PLEKHH2: variants seen among roughly 807,000 people sequenced by gnomAD.
PLEKHH2 encodes the protein pleckstrin homology domain-containing family H member 2.
A neutral mutation model predicts 187.9 loss-of-function variants in PLEKHH2; 129 were observed. The observed-to-expected ratio is 0.69, with a 90% confidence interval of 0.59 to 0.79. PLEKHH2 has a LOEUF of 0.79. Among genes scored for constraint, PLEKHH2 ranks in the 30% least tolerant of loss-of-function variants. The pLI, the probability that PLEKHH2 is intolerant of heterozygous loss-of-function variation, is 0.00. For missense variants in PLEKHH2, 2,076 were observed against 1,751.2 expected (o/e 1.19, Z -3.31); for synonymous variants, 686 against 605.6 (o/e 1.13, Z -1.95).
intron 15 of PLEKHH2, 144 bp downstream of exon 15, chr2:43,712,527 C>A: frequency 2.2e-6 from 2 of 895,490 alleles, no homozygotes; most frequent in Non-Finnish European, 1.6e-6. Flanking sequence ...AAGTATGATG[C>A]CCAAGGCAAA....
intron 2 of PLEKHH2, among the ~76,000 whole-genome samples, chr2:43,653,165 C>G (rs973033308): frequency 6.6e-6 from 1 of 152,016 alleles, no homozygotes; most frequent in African/African-American, 2.4e-5. Flanking sequence ...TTGAAGCATA[C>G]AAGATTCCAA....
chr2:43,715,262 G>T (rs969034271), intron 15 of PLEKHH2, among the ~76,000 whole-genome samples: 2 of 150,926 alleles, frequency 1.3e-5, no homozygotes, highest in Non-Finnish European at 2.9e-5. Context: ...TGCGACAAAT[G>T]AAACTCCGTC....
At chr2:43,694,744 A>G (rs1481317198) in intron 5 of PLEKHH2, among the ~76,000 whole-genome samples, 3 of 152,180 alleles carry the variant, frequency 2.0e-5, no homozygotes, top group Non-Finnish European at 4.4e-5. Flanking sequence ...CTTTATTCTA[A>G]TAAGTTAATT....
At chr2:43,638,131 T>C (rs1703201939) in intron 1 of PLEKHH2, among the ~76,000 whole-genome samples, 1 of 152,068 alleles carries the variant, frequency 6.6e-6, no homozygotes, top group African/African-American at 2.4e-5. Context: ...GGAGCTCGGC[T>C]GTTCTGGGCA....
chr2:43,743,812 C>G (rs773473368), intron 22 of PLEKHH2, 22 bp from the exon 23 acceptor site: 36 of 1,593,098 alleles, frequency 2.3e-5, no homozygotes, highest in Middle Eastern at 1.7e-4. Flanking sequence ...ATTAAGAGAA[C>G]TGCTTTGTTA....
chr2:43,709,148 T>C (rs1368594688), intron 11 of PLEKHH2, among the ~76,000 whole-genome samples: 2 of 152,238 alleles, frequency 1.3e-5, no homozygotes, highest in Non-Finnish European at 2.9e-5. Flanking sequence ...GAATTTTATG[T>C]TATAGCTGCT....
intron 2 of PLEKHH2, among the ~76,000 whole-genome samples, chr2:43,672,856 C>G (rs114409587): frequency 7.9e-5 from 12 of 152,066 alleles, no homozygotes; most frequent in African/African-American, 2.7e-4. Context: ...AATCCTGTCA[C>G]CTAGATATAG....
chr2:43,723,036 C>G (rs1483802461), intron 16 of PLEKHH2, among the ~76,000 whole-genome samples: 21 of 152,122 alleles, frequency 1.4e-4, no homozygotes, highest in African/African-American at 5.1e-4. Flanking sequence ...CTGTTTGCTG[C>G]TTATCAAGGC....
chr2:43,704,934 G>A (rs998176713), intron 9 of PLEKHH2, among the ~76,000 whole-genome samples: 2 of 152,058 alleles, frequency 1.3e-5, no homozygotes, highest in Non-Finnish European at 2.9e-5. Context: ...ACCTGAGAGA[G>A]ACTAAATCAG....
intron 15 of PLEKHH2, among the ~76,000 whole-genome samples, chr2:43,713,778 C>T (rs941073428): frequency 4.0e-5 from 6 of 151,510 alleles, no homozygotes; most frequent in East Asian, 1.9e-4. Flanking sequence ...ATAATCACTC[C>T]TCATTCATGT....
chr2:43,677,069 T>G (rs1667847182), intron 2 of PLEKHH2, among the ~76,000 whole-genome samples: 2 of 152,232 alleles, frequency 1.3e-5, no homozygotes, highest in African/African-American at 4.8e-5. Flanking sequence ...TATGTAGTCC[T>G]TGTATTAAAA....
In PLEKHH2 at chr2:43,684,321, A is replaced by G. The variant is rs897498627; in HGVS notation, c.186+5396A>G. On this transcript the variant is annotated intron_variant, in intron 3 of 29. Transcript: ENST00000282406. ...CCTGGCTGTGTCTATATGTCTCTAT[A>G]TGTAATCTATCTGTTCTTCCCTATC... 3.3e-5 allele frequency among the ~76,000 whole-genome samples: 5 copies of G among 150,722 alleles called. No individual in the cohort carries two copies. The East Asian group carries it at 9.7e-4, about 29-fold the overall frequency.
intron 23 of PLEKHH2, among the ~76,000 whole-genome samples, chr2:43,745,587 T>G (rs191400669): frequency 6.6e-6 from 1 of 152,186 alleles, no homozygotes; most frequent in Non-Finnish European, 1.5e-5. Context: ...GGAATCTTCT[T>G]GTTTCCAGTT....
Position 43,685,787 on chromosome 2 carries a change from A to G in PLEKHH2, c.187-6727A>G, listed in dbSNP as rs189889868. 3.3e-5 allele frequency among the ~76,000 whole-genome samples: 5 copies of G among 152,262 alleles called. No homozygotes were observed. The East Asian group carries it at 9.6e-4, about 29-fold the overall frequency. On this transcript the variant is annotated intron_variant, in intron 3 of 29. Transcript: ENST00000282406. ...ATTGTTGTTCACAAGTTTGGAAGCA[A>G]TGTGATCAAATCAACCCAGTTCTAC...
chr2:43,697,036 C>T (rs1469796004), intron 6 of PLEKHH2, 135 bp from the exon 7 acceptor site: 2 of 603,628 alleles, frequency 3.3e-6, no homozygotes, highest in Non-Finnish European at 5.5e-6. Context: ...TGTTATTGTA[C>T]ATCAATAAAG....
chr2:43,715,355 AG>A (rs1278993978), intron 15 of PLEKHH2, among the ~76,000 whole-genome samples: 5 of 152,126 alleles, frequency 3.3e-5, no homozygotes, highest in African/African-American at 4.8e-5. Context: ...AAAAAGCTAG[AG>A]GGGCCTATGG....
At chr2:43,679,025 C>T in intron 3 of PLEKHH2, 100 bp downstream of exon 3, 1 of 722,882 alleles carries the variant, frequency 1.4e-6, no homozygotes, top group South Asian at 2.1e-5. Context: ...ACCTCTACAT[C>T]TTATCTTTTT....
intron 3 of PLEKHH2, among the ~76,000 whole-genome samples, chr2:43,687,395 T>C (rs1668574230): frequency 6.6e-6 from 1 of 152,236 alleles, no homozygotes; most frequent in African/African-American, 2.4e-5. Context: ...TAACTCACCA[T>C]TGATGGGCAC....
chr2:43,701,890 C>T (rs185545877), intron 8 of PLEKHH2, among the ~76,000 whole-genome samples: 39 of 151,684 alleles, frequency 2.6e-4, no homozygotes, highest in African/African-American at 2.4e-5. Flanking sequence ...GCCTTAGCCT[C>T]CCAAGTAGCT....
Sources: gnomAD v4.1 joint callset for allele counts (sites outside exome capture counted in the v4.1 genomes callset) on GRCh38, gnomAD v4.1.1 for gene constraint, MANE v1.5 for transcripts, NCBI Gene and HGNC (gene_info 2026-07-23, HGNC 2026-07-21) for gene names.